The following TFEC variants were observed in gnomAD, a reference collection of about 807,000 sequenced individuals.
TFEC encodes the protein class E basic helix-loop-helix protein 34.
A neutral mutation model predicts 41.6 loss-of-function variants in TFEC; 31 were observed. The ratio of observed to expected loss-of-function variants is 0.74; its 90% CI spans 0.56 to 1.01. TFEC has a LOEUF of 1.01. TFEC is among the 50% of genes least tolerant of loss of function. TFEC has a pLI of 0.00. For synonymous variants in TFEC, 143 were observed against 140.6 expected (o/e 1.02, Z -0.12); for missense variants, 402 against 404.1 (o/e 0.99, Z 0.04).
At chr7:116,140,650 C>T (rs1798522244) in intron 1 of TFEC, among the ~76,000 whole-genome samples, 6 of 152,142 alleles carry the variant, frequency 3.9e-5, no homozygotes, top group Admixed American at 3.9e-4. Context: ...GATGTAATGC[C>T]TAAAGGAATA....
At chr7:115,944,149 T>A (rs1793668434) in intron 6 of TFEC, among the ~76,000 whole-genome samples, 2 of 149,460 alleles carry the variant, frequency 1.3e-5, no homozygotes, top group Admixed American at 1.3e-4. Flanking sequence ...TAGAGGAGAG[T>A]AAAGATTAAG....
At chr7:116,134,177 T>G (rs1287222943) in intron 1 of TFEC, among the ~76,000 whole-genome samples, 1 of 152,110 alleles carries the variant, frequency 6.6e-6, no homozygotes, top group Non-Finnish European at 1.5e-5. Flanking sequence ...GAAATAAAAT[T>G]AATATAAAAG....
chr7:115,949,000 G>A (rs1234354748), intron 6 of TFEC, among the ~76,000 whole-genome samples: 5 of 151,846 alleles, frequency 3.3e-5, no homozygotes, highest in Admixed American at 6.6e-5. Context: ...CTTCAGCAAA[G>A]TCTCAGGATA....
chr7:115,995,398 T>A (rs865951305), intron 1 of TFEC, among the ~76,000 whole-genome samples: 1 of 152,072 alleles, frequency 6.6e-6, no homozygotes, highest in Non-Finnish European at 1.5e-5. Context: ...CATATATATA[T>A]ACACACATAT....
chr7:115,945,945 G>T (rs1368382202), intron 6 of TFEC, among the ~76,000 whole-genome samples: 1 of 151,586 alleles, frequency 6.6e-6, no homozygotes, highest in African/African-American at 2.4e-5. Context: ...CTTTTGTATG[G>T]CCTGCAAAGC....
At chr7:115,968,636 T>A (rs1175191546) in intron 3 of TFEC, among the ~76,000 whole-genome samples, 2 of 152,048 alleles carry the variant, frequency 1.3e-5, no homozygotes, top group East Asian at 1.9e-4. Context: ...AGATCTAAAC[T>A]CAGAGGCTAA....
At chr7:116,157,018 A>G (rs1324683179) in intron 1 of TFEC, among the ~76,000 whole-genome samples, 2 of 152,216 alleles carry the variant, frequency 1.3e-5, no homozygotes, top group African/African-American at 2.4e-5. Flanking sequence ...GAGCACTTGG[A>G]AAATGATTTG....
chr7:116,065,203 A>G (rs1229106238), intron 3 of TFEC, among the ~76,000 whole-genome samples: 6 of 152,172 alleles, frequency 3.9e-5, no homozygotes, highest in African/African-American at 1.4e-4. Flanking sequence ...ATCATTTTAC[A>G]ATGCAGCTAA....
chr7:116,036,183 T>G (rs1306991367), intron 3 of TFEC, among the ~76,000 whole-genome samples: 2 of 152,100 alleles, frequency 1.3e-5, no homozygotes, highest in Non-Finnish European at 2.9e-5. Context: ...CATAACATTT[T>G]CTTCTTTGTG....
chr7:116,121,106 G>T (rs1798099205), intron 1 of TFEC, among the ~76,000 whole-genome samples: 2 of 151,906 alleles, frequency 1.3e-5, no homozygotes. Flanking sequence ...AATGTTCATA[G>T]CAGGATCATT....
intron 3 of TFEC, among the ~76,000 whole-genome samples, chr7:116,072,984 A>T (rs1796865911): frequency 6.6e-6 from 1 of 151,328 alleles, no homozygotes; most frequent in Non-Finnish European, 1.5e-5. Flanking sequence ...TAATTAATTA[A>T]TAATTAATTA....
intron 6 of TFEC, among the ~76,000 whole-genome samples, 184 bp from the exon 7 acceptor site, chr7:115,942,224 A>C (rs994085249): frequency 2.0e-5 from 3 of 152,070 alleles, no homozygotes; most frequent in Non-Finnish European, 4.4e-5. Flanking sequence ...AGTAAAATTA[A>C]TCCCAGAATG....
intron 6 of TFEC, among the ~76,000 whole-genome samples, chr7:115,950,032 G>C (rs1426344016): frequency 1.8e-5 from 2 of 113,558 alleles, no homozygotes; most frequent in Non-Finnish European, 3.6e-5. Flanking sequence ...TTTTTTTTGA[G>C]ATGGAGTCTT....
chr7:115,997,284 A>G (rs1473021698), intron 1 of TFEC, among the ~76,000 whole-genome samples: 2 of 152,204 alleles, frequency 1.3e-5, no homozygotes, highest in Non-Finnish European at 2.9e-5. Flanking sequence ...AAAGAACAAG[A>G]GTCCGTGCCA....
At chr7:116,149,303 T>A (rs1466066271) in intron 1 of TFEC, among the ~76,000 whole-genome samples, 3 of 152,074 alleles carry the variant, frequency 2.0e-5, no homozygotes, top group African/African-American at 4.8e-5. Flanking sequence ...CATAACTAGA[T>A]GCTGGTGAGA....
At chr7:116,007,522 T>G (rs748640184) in intron 1 of TFEC, among the ~76,000 whole-genome samples, 83 of 152,314 alleles carry the variant, frequency 5.4e-4, no homozygotes, top group South Asian at 1.7e-3. Flanking sequence ...CACGGAGATA[T>G]GATTATTTTC....
intron 3 of TFEC, among the ~76,000 whole-genome samples, chr7:116,061,721 T>C (rs1261385299): frequency 6.6e-6 from 1 of 152,116 alleles, no homozygotes; most frequent in Non-Finnish European, 1.5e-5. Flanking sequence ...AGGGTGTATA[T>C]TCAGAATATG....
rs767271300 is a variant in TFEC at position 115,956,753 on chromosome 7, C to T, written c.308G>A (p.Gly103Glu). 5 of 1,610,250 alleles carry T rather than the reference C, an allele frequency of 3.1e-6. No individual in the cohort carries two copies. The East Asian group carries it at 1.1e-4, about 36-fold the overall frequency. The change falls in exon 4 of 8, where the codon GGA (glycine) becomes GAA (glutamate). Residue 103 changes from glycine (G) to glutamate (E), a missense_variant. Gly to Glu is a moderately conservative substitution (Grantham distance 98). Coordinates refer to ENST00000265440, the MANE Select transcript of TFEC (RefSeq NM_012252.4). ...SILDVYSGEQ[G>E]ISPINMGLTS... Reference sequence around the variant, plus strand: ...AAGCCCCATGTTAATTGGTGAAATTCCTTGTTCACCGCTATACACATCCAA... The same window carrying T: ...AAGCCCCATGTTAATTGGTGAAATTTCTTGTTCACCGCTATACACATCCAA...
intron 1 of TFEC, among the ~76,000 whole-genome samples, chr7:115,994,677 A>G (rs1032432988): frequency 6.6e-6 from 1 of 152,186 alleles, no homozygotes. Flanking sequence ...AATGGCAATC[A>G]TTTAAAAAGT....
Sources: gnomAD v4.1 joint callset for allele counts (sites outside exome capture counted in the v4.1 genomes callset) on GRCh38, gnomAD v4.1.1 for gene constraint, MANE v1.5 for transcripts, NCBI Gene and HGNC (gene_info 2026-07-23, HGNC 2026-07-21) for gene names.